UPP2: variants seen among roughly 807,000 people sequenced by gnomAD.
UPP2 encodes UPase 2.
In UPP2, 23 loss-of-function variants were observed where a neutral mutation model predicts 26.7. That is an observed-to-expected ratio of 0.86 (90% confidence interval 0.62 to 1.22). UPP2 has a LOEUF of 1.22. UPP2 is among the 50% of genes most tolerant of loss of function. The probability of loss-of-function intolerance (pLI) is 0.00; values close to 1 mark genes in which losing one functional copy is unlikely to be tolerated. For missense variants in UPP2, 387 were observed against 396.7 expected (o/e 0.98, Z 0.21); for synonymous variants, 127 against 141.3 (o/e 0.90, Z 0.72).
chr2:158,073,546 T>G (rs1682577695), intron 3 of UPP2, among the ~76,000 whole-genome samples: 2 of 151,948 alleles, frequency 1.3e-5, no homozygotes, highest in Non-Finnish European at 2.9e-5. Flanking sequence ...CATTTAATAA[T>G]CAAACTCCCA....
intron 6 of UPP2, among the ~76,000 whole-genome samples, chr2:158,124,480 G>C (rs1190648447): frequency 6.6e-6 from 1 of 152,180 alleles, no homozygotes; most frequent in African/African-American, 2.4e-5. Context: ...TTTCACTCTG[G>C]GTGAAATGAG....
chr2:158,125,620 A>G (rs1683677150), intron 6 of UPP2, among the ~76,000 whole-genome samples: 2 of 151,960 alleles, frequency 1.3e-5, no homozygotes, highest in Admixed American at 6.6e-5. Flanking sequence ...TGGGGTTTCA[A>G]TGTTGGCCAG....
chr2:158,101,576 C>T (rs1188294400), upstream of UPP2, among the ~76,000 whole-genome samples: 2 of 152,166 alleles, frequency 1.3e-5, no homozygotes, highest in East Asian at 3.8e-4. Flanking sequence ...ACTGAAAGTT[C>T]TCGTATGTAC....
chr2:158,026,056 T>A lies in UPP2; in HGVS notation c.147+10170T>A, dbSNP rs1340473619. Among the ~76,000 whole-genome samples the A allele has an allele frequency of 1.4e-4, 21 of 152,042 alleles. 1 individual carries two copies. On this transcript the variant is annotated intron_variant, in intron 3 of 9. Transcript: ENST00000605860. Reference sequence around the variant, plus strand: ...GCAGCCTCCATAGCTGAGGCCTTCCTCTCCAGCCTTCTTCATTGTATCTCC... The same window carrying A: ...GCAGCCTCCATAGCTGAGGCCTTCCACTCCAGCCTTCTTCATTGTATCTCC...
chr2:158,066,630 C>CTT (rs3046317), intron 3 of UPP2, among the ~76,000 whole-genome samples: 40,728 of 145,890 alleles, frequency 0.28, 6,037 homozygotes, highest in Admixed American at 0.43. Flanking sequence ...ACCATTGATT[C>CTT]TTTTTTTTTT....
At chr2:158,085,329 C>T (rs1355366002) in intron 3 of UPP2, among the ~76,000 whole-genome samples, 2 of 152,034 alleles carry the variant, frequency 1.3e-5, no homozygotes, top group African/African-American at 2.4e-5. Context: ...AGCAAAGCTA[C>T]TGATTTTCAT....
intron 3 of UPP2, among the ~76,000 whole-genome samples, chr2:158,096,793 G>A (rs893971783): frequency 6.6e-6 from 1 of 151,948 alleles, no homozygotes; most frequent in African/African-American, 2.4e-5. Context: ...AAGGTAGAGT[G>A]GGATAGTATT....
intron 3 of UPP2, among the ~76,000 whole-genome samples, chr2:158,038,766 G>A (rs1684040996): frequency 6.6e-6 from 1 of 152,154 alleles, no homozygotes; most frequent in African/African-American, 2.4e-5. Flanking sequence ...GTGGGCATTA[G>A]AACTCTATTG....
intron 3 of UPP2, among the ~76,000 whole-genome samples, chr2:158,038,200 T>C: frequency 6.6e-6 from 1 of 152,248 alleles, no homozygotes. Context: ...CTGCTTTTTG[T>C]ATTTTATTCA....
chr2:158,107,868 C>T (rs1367427985), intron 2 of UPP2, among the ~76,000 whole-genome samples: 3 of 152,036 alleles, frequency 2.0e-5, no homozygotes, highest in South Asian at 2.1e-4. Context: ...CTCTATTTTG[C>T]GCTTTGTCTT....
upstream of UPP2, chr2:158,101,855 A>G (rs1048672929): frequency 3.0e-5 from 40 of 1,340,672 alleles, no homozygotes; most frequent in Non-Finnish European, 3.8e-5. Context: ...AAGTCATGTC[A>G]GGGAGGACAT....
chr2:158,072,405 T>C (rs2105188244), intron 3 of UPP2, among the ~76,000 whole-genome samples: 1 of 152,310 alleles, frequency 6.6e-6, no homozygotes, highest in African/African-American at 2.4e-5. Flanking sequence ...TGGGGAAACT[T>C]GCTGCCCTAA....
intron 3 of UPP2, among the ~76,000 whole-genome samples, chr2:158,049,178 A>G (rs1682105474): frequency 6.6e-6 from 1 of 152,206 alleles, no homozygotes; most frequent in Non-Finnish European, 1.5e-5. Context: ...CTTTGGATCC[A>G]TGTCTAACTT....
chr2:158,131,969 C>T (rs1352110982), intron 6 of UPP2, among the ~76,000 whole-genome samples: 1 of 152,170 alleles, frequency 6.6e-6, no homozygotes, highest in African/African-American at 2.4e-5. Context: ...AGTCGGTTCC[C>T]ACTCTGTAAA....
intron 2 of UPP2, among the ~76,000 whole-genome samples, chr2:158,005,401 A>G (rs1027159522): frequency 5.9e-5 from 9 of 152,214 alleles, no homozygotes; most frequent in Non-Finnish European, 1.0e-4. Flanking sequence ...TATATTGTAA[A>G]GGGGATTCTC....
intron 2 of UPP2, among the ~76,000 whole-genome samples, chr2:158,006,182 G>T (rs926895774): frequency 6.6e-6 from 1 of 152,148 alleles, no homozygotes. Flanking sequence ...CATAATGGCT[G>T]GGCACGGTGG....
intron 3 of UPP2, among the ~76,000 whole-genome samples, chr2:158,068,708 T>C (rs2105184688): frequency 7.2e-6 from 1 of 139,442 alleles, no homozygotes; most frequent in East Asian, 2.3e-4. Flanking sequence ...CCTATGGAGT[T>C]ACTGAGGACT....
At chr2:158,023,187 T>G (rs1683779733) in intron 3 of UPP2, among the ~76,000 whole-genome samples, 1 of 62,732 alleles carries the variant, frequency 1.6e-5, no homozygotes. Context: ...GAATAGTGCA[T>G]GAGGAGGGGA....
intron 3 of UPP2, among the ~76,000 whole-genome samples, chr2:158,069,187 ACTC>A (rs1288052432): frequency 2.0e-5 from 3 of 152,002 alleles, no homozygotes; most frequent in Admixed American, 6.6e-5. Flanking sequence ...CATTTCATGA[ACTC>A]CTATCTTTTA....
Sources: allele counts gnomAD v4.1 joint callset (sites outside exome capture counted in the v4.1 genomes callset), GRCh38; gene constraint gnomAD v4.1.1; transcripts MANE v1.5; gene names NCBI Gene and HGNC (gene_info 2026-07-23, HGNC 2026-07-21).